CKAP5: variants seen among roughly 807,000 people sequenced by gnomAD.
The protein encoded by CKAP5 is cytoskeleton-associated protein 5.
A neutral mutation model predicts 232.8 loss-of-function variants in CKAP5; 27 were observed. The observed-to-expected ratio is 0.12, with a 90% CI of 0.09 to 0.16. CKAP5 has a LOEUF of 0.16. Ranked by LOEUF, CKAP5 falls within the 10% of genes least tolerant of loss-of-function variation. CKAP5 has a pLI of 1.00. For missense variants in CKAP5, 1,838 were observed against 2,424.7 expected (o/e 0.76, Z 5.08); for synonymous variants, 785 against 841.1 (o/e 0.93, Z 1.16).
chr11:46,788,349 C>A (rs566262087), intron 16 of CKAP5, among the ~76,000 whole-genome samples: 3 of 152,164 alleles, frequency 2.0e-5, no homozygotes, highest in Non-Finnish European at 4.4e-5. Context: ...CCAAGGCAGG[C>A]GGATCACCTG....
chr11:46,784,577 T>C lies in CKAP5; in HGVS notation c.2065A>G (p.Lys689Glu). The C allele has an allele frequency of 6.2e-7, 1 of 1,614,132 alleles. No individual in the cohort carries two copies. Among genetic ancestry groups the C allele is most frequent in the Non-Finnish European group, 8.5e-7 (1 of 1,179,986 alleles). ...TTCCCACATTTCACATCTCCAATCT[T>C]GTCCACAAGGCCATCTAATACAACC... ...AQVVLDGLVD[K>E]IGDVKCGNNA... is the part of the protein sequence containing the mutation. Residue 689 changes from lysine to glutamate, a missense_variant, in exon 17 of 44, where the codon AAG becomes GAG. Coordinates refer to ENST00000529230, the MANE Select transcript of CKAP5 (RefSeq NM_001008938.4).
chr11:46,746,291 CT>C (rs1329402751), intron 42 of CKAP5, among the ~76,000 whole-genome samples: 1 of 152,108 alleles, frequency 6.6e-6, no homozygotes, highest in Non-Finnish European at 1.5e-5. Flanking sequence ...CCTCCTAAGT[CT>C]TCTGTTTGTC....
chr11:46,752,998 A>T, intron 37 of CKAP5: 1 of 428,430 alleles, frequency 2.3e-6, no homozygotes, highest in South Asian at 5.1e-5. Context: ...TGTAACTGAC[A>T]AACTTTACAG....
intron 33 of CKAP5, 110 bp downstream of exon 33, chr11:46,760,502 C>T (rs1465298925): frequency 3.0e-6 from 3 of 1,000,152 alleles, no homozygotes; most frequent in Non-Finnish European, 4.6e-6. Flanking sequence ...GACACTCTGT[C>T]ATGCATGATA....
At chr11:46,841,893 G>T (rs1359277783) in intron 1 of CKAP5, among the ~76,000 whole-genome samples, 1 of 151,364 alleles carries the variant, frequency 6.6e-6, no homozygotes, top group South Asian at 2.1e-4. Flanking sequence ...AGCTACTCAG[G>T]AGGCTGAGGC....
chr11:46,743,950 A>G lies in CKAP5; in HGVS notation c.*73T>C. 6.3e-7 allele frequency: 1 copy of G among 1,590,330 alleles called. No homozygotes were observed. The highest frequency in any genetic ancestry group is 1.1e-5 in the South Asian group (1 of 89,366). ...CAGTTTGTATACACTAGGCCTGCTG[A>G]GGCCATTTTAAACTATGAGGACTTC... On this transcript the variant is annotated 3_prime_UTR_variant, in exon 44 of 44. Coordinates refer to ENST00000529230, the MANE Select transcript of CKAP5 (RefSeq NM_001008938.4).
intron 1 of CKAP5, among the ~76,000 whole-genome samples, chr11:46,832,924 T>G (rs771488369): frequency 5.9e-4 from 90 of 151,958 alleles, no homozygotes; most frequent in Non-Finnish European, 1.1e-3. Flanking sequence ...GCCACTGCAC[T>G]GTGGCCTGGG....
chr11:46,763,199 A>G lies in CKAP5; in HGVS notation c.3688-20T>C, dbSNP rs918453538. On this transcript the variant is annotated intron_variant, in intron 29 of 43. Coordinates refer to ENST00000529230, the MANE Select transcript of CKAP5 (RefSeq NM_001008938.4). ...CAAGTGCTTAAAATAAAACAAAACA[A>G]AACTCCCACAAATAAGAATAATCAA... The G allele has an allele frequency of 3.3e-6, 5 of 1,513,112 alleles. No individual in the cohort carries two copies. In the African/African-American group the frequency reaches 4.2e-5, roughly 13 times the overall value. The allele number at this position is 1,513,112 out of a possible 1,614,324, so 93.7% of individuals were successfully genotyped here.
intron 1 of CKAP5, among the ~76,000 whole-genome samples, chr11:46,838,719 G>A (rs1371276176): frequency 2.0e-5 from 3 of 146,824 alleles, no homozygotes; most frequent in South Asian, 2.2e-4. Flanking sequence ...CCTTGAGCCC[G>A]GGAGGTGAAG....
At chr11:46,814,842 C>T (rs1939361802) in intron 4 of CKAP5, among the ~76,000 whole-genome samples, 1 of 152,188 alleles carries the variant, frequency 6.6e-6, no homozygotes. Context: ...TTTGCTTCTA[C>T]TTTACTAAAA....
intron 35 of CKAP5, 108 bp downstream of exon 35, chr11:46,758,815 A>G: frequency 7.8e-7 from 1 of 1,278,116 alleles, no homozygotes; most frequent in Non-Finnish European, 1.1e-6. Flanking sequence ...AAAGTATGAA[A>G]CACTGCCTGC....
chr11:46,744,861 G>T (rs2065011059), intron 42 of CKAP5, among the ~76,000 whole-genome samples: 1 of 152,186 alleles, frequency 6.6e-6, no homozygotes, highest in Non-Finnish European at 1.5e-5. Flanking sequence ...TCCCAGGGCT[G>T]ACTTGGGCAA....
rs537958587 is a variant in CKAP5, at chr11:46,834,453, T to C, written c.-38+11767A>G. ...AGAAACGCTTGAACCTGGGAGGCGG[T>C]GGTTGCAGTGAGCTGAGATTGCACC... On this transcript the variant is annotated intron_variant, in intron 1 of 43. Transcript: ENST00000529230. 5.8e-3 allele frequency among the ~76,000 whole-genome samples: 805 copies of C among 137,704 alleles called. 6 individuals carry two copies. The highest frequency in any genetic ancestry group is 0.021 in the African/African-American group (776 of 36,386). The allele number at this position is 137,704 out of a possible 152,430, so 90.3% of individuals were successfully genotyped here.
In CKAP5 at chr11:46,818,849, C is replaced by A. The variant is rs560411035; in HGVS notation, c.58-346G>T. 2.6e-5 allele frequency among the ~76,000 whole-genome samples: 4 copies of A among 152,072 alleles called. No homozygotes were observed. In the South Asian group the frequency reaches 8.3e-4, roughly 32 times the overall value. On this transcript the variant is annotated intron_variant, in intron 2 of 43. Coordinates refer to ENST00000529230, the MANE Select transcript of CKAP5 (RefSeq NM_001008938.4). Reference sequence around the variant, plus strand: ...ATGAGAAATCACCCTGATGAAACTGCCCCGTCTCCAAAGTATATGCTGTTT... The same window carrying A: ...ATGAGAAATCACCCTGATGAAACTGACCCGTCTCCAAAGTATATGCTGTTT...
At chr11:46,752,193 T>TATATATATATATATATATATAC (rs1408030107) in intron 38 of CKAP5, among the ~76,000 whole-genome samples, 4 of 66,552 alleles carry the variant, frequency 6.0e-5, no homozygotes, top group Admixed American at 2.2e-4. Flanking sequence ...TATATATATA[T>TATATATATATATATATATATAC]ACACACACAC....
intron 1 of CKAP5, among the ~76,000 whole-genome samples, chr11:46,842,604 G>C (rs895456779): frequency 6.6e-6 from 1 of 152,176 alleles, no homozygotes; most frequent in Non-Finnish European, 1.5e-5. Flanking sequence ...AAACCATTAG[G>C]TTAAGAGAAT....
intron 26 of CKAP5, among the ~76,000 whole-genome samples, chr11:46,769,632 G>A (rs765537461): frequency 3.3e-5 from 5 of 151,888 alleles, no homozygotes; most frequent in Non-Finnish European, 7.4e-5. Flanking sequence ...GGAGTTCGAG[G>A]TTGCAGTGAG....
At chr11:46,759,158 A>C in intron 34 of CKAP5, 111 bp downstream of exon 34, 1 of 1,506,222 alleles carries the variant, frequency 6.6e-7, no homozygotes, top group Non-Finnish European at 9.0e-7. Flanking sequence ...CTATCATTCA[A>C]AAAATAATCA....
chr11:46,744,535 G>A lies in CKAP5; in HGVS notation c.5747C>T (p.Thr1916Ile), dbSNP rs1194386961. ...GTTACCTATGGAGGACACTGTGCTT[G>A]TGGGCGTGGGCACACATGTGACTTC... ...QMEVTCVPTPTSTVSSIGNTN... is the reference protein window; with the variant it reads ...QMEVTCVPTPISTVSSIGNTN... Residue 1916 changes from threonine to isoleucine, a missense_variant, in exon 43 of 44, where the codon ACA becomes ATA. Around this residue, in one of 6 missense-constraint regions of CKAP5, gnomAD observed 579 missense variants for 843.2 expected, o/e 0.69. Transcript: ENST00000529230. 2 of 1,614,138 alleles carry A rather than the reference G, an allele frequency of 1.2e-6. No individual in the cohort carries two copies. Among genetic ancestry groups the A allele is most frequent in the Middle Eastern group, 3.3e-4 (2 of 6,062 alleles).
Sources: allele counts gnomAD v4.1 joint callset (sites outside exome capture counted in the v4.1 genomes callset), GRCh38; gene constraint gnomAD v4.1.1; regional missense constraint gnomAD v4.1.1; transcripts MANE v1.5; gene names NCBI Gene and HGNC (gene_info 2026-07-23, HGNC 2026-07-21).